The following KCNT2 variants were observed in gnomAD, a reference collection of about 807,000 sequenced individuals.
KCNT2 encodes the protein potassium sodium-activated channel subfamily T member 2.
A neutral mutation model predicts 153.8 loss-of-function variants in KCNT2; 67 were observed. The observed-to-expected ratio is 0.44, with a 90% CI of 0.36 to 0.53. The LOEUF (loss-of-function observed/expected upper bound fraction) is 0.53, where lower values mean the gene tolerates loss of function less well. Ranked by LOEUF, KCNT2 falls within the 20% of genes least tolerant of loss-of-function variation. The pLI, the probability that KCNT2 is intolerant of heterozygous loss-of-function variation, is 0.00. For synonymous variants in KCNT2, 500 were observed against 458.8 expected, an observed-to-expected ratio of 1.09 and a Z score of -1.15; for missense variants, 975 against 1,354.8, an observed-to-expected ratio of 0.72 and a Z score of 4.40.
intron 3 of KCNT2, among the ~76,000 whole-genome samples, chr1:196,488,406 T>C (rs1679600946): frequency 6.6e-6 from 1 of 152,034 alleles, no homozygotes; most frequent in Non-Finnish European, 1.5e-5. Context: ...TTTTCAAATG[T>C]ATATCCTCTA....
At chr1:196,471,239 C>T (rs1385328637) in intron 5 of KCNT2, among the ~76,000 whole-genome samples, 1 of 151,738 alleles carries the variant, frequency 6.6e-6, no homozygotes, top group Non-Finnish European at 1.5e-5. Flanking sequence ...TGTGATTTGC[C>T]GTATGAATGA....
intron 24 of KCNT2, 89 bp from the exon 25 acceptor site, chr1:196,281,077 G>T: frequency 2.0e-6 from 2 of 1,024,234 alleles, no homozygotes; most frequent in South Asian, 1.5e-5. Flanking sequence ...GCTTATTTTT[G>T]TGGGGGGCAG....
intron 5 of KCNT2, among the ~76,000 whole-genome samples, chr1:196,474,378 T>C (rs1678354032): frequency 6.6e-6 from 1 of 152,162 alleles, no homozygotes; most frequent in Non-Finnish European, 1.5e-5. Flanking sequence ...TTTGTCTTCT[T>C]TGGATGAATT....
At chr1:196,273,788 T>A (rs1008804455) in intron 25 of KCNT2, among the ~76,000 whole-genome samples, 1 of 151,718 alleles carries the variant, frequency 6.6e-6, no homozygotes, top group African/African-American at 2.4e-5. Context: ...CTATGCACAT[T>A]TTTGGAATTT....
intron 12 of KCNT2, 54 bp from the exon 13 acceptor site, chr1:196,398,725 A>G: frequency 1.1e-6 from 1 of 945,406 alleles, no homozygotes; most frequent in South Asian, 1.5e-5. Flanking sequence ...TTTATAACAT[A>G]TAAAGTAAAA....
At chr1:196,296,637 G>C (rs1200073531) in intron 22 of KCNT2, among the ~76,000 whole-genome samples, 2 of 152,004 alleles carry the variant, frequency 1.3e-5, no homozygotes. Flanking sequence ...TTCCTCTACA[G>C]GTTATAGCAA....
intron 27 of KCNT2, among the ~76,000 whole-genome samples, chr1:196,230,216 G>T (rs775881383): frequency 1.3e-5 from 2 of 151,962 alleles, no homozygotes; most frequent in East Asian, 1.9e-4. Context: ...GTGACTTTCA[G>T]TTGAAGCCAA....
chr1:196,348,855 G>A (rs1197154390), intron 14 of KCNT2, among the ~76,000 whole-genome samples: 1 of 151,918 alleles, frequency 6.6e-6, no homozygotes, highest in Non-Finnish European at 1.5e-5. Context: ...GAGAAACCCT[G>A]TCTCTACGAA....
chr1:196,319,470 A>G lies in KCNT2; in HGVS notation c.2348+14T>C. 6.3e-7 allele frequency: 1 copy of G among 1,599,866 alleles called. No homozygotes were observed. The highest frequency in any genetic ancestry group is 1.1e-5 in the South Asian group (1 of 90,642). ...CACTACACTAGTTAGTGTGCCAAAG[A>G]TTTTGTCACCTACTTGTCAATAGAG... is the stretch of plus-strand genomic sequence containing the variant. On this transcript the variant is annotated intron_variant, in intron 20 of 27. Transcript: ENST00000294725.
At chr1:196,416,373 C>T (rs187490826) in intron 12 of KCNT2, among the ~76,000 whole-genome samples, 8 of 151,892 alleles carry the variant, frequency 5.3e-5, no homozygotes, top group Admixed American at 2.0e-4. Flanking sequence ...ATAGTAAGAC[C>T]GAATACTCTA....
chr1:196,571,534 G>A (rs1018373330), intron 1 of KCNT2, among the ~76,000 whole-genome samples: 8 of 152,088 alleles, frequency 5.3e-5, no homozygotes, highest in African/African-American at 1.4e-4. Flanking sequence ...AGTCAAAATT[G>A]TTCTTAAAAG....
At position 196,406,592 on chromosome 1, in the gene KCNT2, C is replaced by CA. The variant is rs11357087; in HGVS notation, c.1186-7922dup. Among the ~76,000 whole-genome samples the CA allele has an allele frequency of 4.9e-3, 666 of 135,462 alleles. 3 individuals are homozygous for CA. Among genetic ancestry groups the CA allele is most frequent in the African/African-American group, 0.013 (450 of 35,136 alleles). The allele number at this position is 135,462 out of a possible 152,430, so 88.9% of individuals were successfully genotyped here. ...CTTCATGAACAATCTACATCAAAGT[C>CA]AAAAAAAAAAAAAAAATTAAAAGAA... On this transcript the variant is annotated intron_variant, in intron 12 of 27. Transcript: ENST00000294725.
intron 1 of KCNT2, among the ~76,000 whole-genome samples, chr1:196,519,405 C>T (rs1300521769): frequency 6.6e-6 from 1 of 151,898 alleles, no homozygotes; most frequent in Non-Finnish European, 1.5e-5. Context: ...CAAAAGCAAA[C>T]CAAACCCAAA....
At chr1:196,563,411 T>C (rs541230517) in intron 1 of KCNT2, among the ~76,000 whole-genome samples, 1 of 148,974 alleles carries the variant, frequency 6.7e-6, no homozygotes, top group East Asian at 2.0e-4. Context: ...GAAGTGGTAT[T>C]CATCGTTATC....
intron 26 of KCNT2, among the ~76,000 whole-genome samples, chr1:196,248,849 GA>G (rs1655684480): frequency 1.3e-5 from 2 of 151,962 alleles, no homozygotes; most frequent in Admixed American, 6.6e-5. Flanking sequence ...CATCGACAAA[GA>G]AACAAACAAA....
intron 12 of KCNT2, among the ~76,000 whole-genome samples, chr1:196,406,810 G>C (rs1671869510): frequency 6.6e-6 from 1 of 151,188 alleles, no homozygotes; most frequent in Non-Finnish European, 1.5e-5. Flanking sequence ...TTCTGCTTTT[G>C]ATTCCCACTC....
At chr1:196,264,399 T>C (rs939838856) in intron 25 of KCNT2, among the ~76,000 whole-genome samples, 3 of 152,260 alleles carry the variant, frequency 2.0e-5, no homozygotes, top group African/African-American at 4.8e-5. Context: ...GAGTTTTCAT[T>C]ACTTATTTAG....
chr1:196,436,618 T>C (rs891162741), intron 8 of KCNT2, among the ~76,000 whole-genome samples: 1 of 151,388 alleles, frequency 6.6e-6, no homozygotes, highest in Non-Finnish European at 1.5e-5. Context: ...CATTCACACA[T>C]GTCTTTGGAG....
chr1:196,355,670 C>T (rs1667116300), intron 14 of KCNT2, among the ~76,000 whole-genome samples: 1 of 151,674 alleles, frequency 6.6e-6, no homozygotes, highest in African/African-American at 2.4e-5. Context: ...CATTTAATTC[C>T]TGTTACCACC....
Sources: gnomAD v4.1 joint callset for allele counts (sites outside exome capture counted in the v4.1 genomes callset) on GRCh38, gnomAD v4.1.1 for gene constraint, MANE v1.5 for transcripts, NCBI Gene and HGNC (gene_info 2026-07-23, HGNC 2026-07-21) for gene names.